Variants in PROM1 observed in about 807,000 individuals in gnomAD.
The protein encoded by PROM1 is prominin-1.
Under a neutral mutation model 116.9 loss-of-function variants are expected in PROM1, and 105 were observed. The observed-to-expected ratio is 0.90, with a 90% CI of 0.77 to 1.06. PROM1 has a LOEUF of 1.06. Among genes scored for constraint, PROM1 ranks in the 50% least tolerant of loss-of-function variants. The pLI, the probability that PROM1 is intolerant of heterozygous loss-of-function variation, is 0.00. For missense variants in PROM1, 1,122 were observed against 1,045.2 expected, an observed-to-expected ratio of 1.07 and a Z score of -1.01; for synonymous variants, 393 against 387.0, an observed-to-expected ratio of 1.02 and a Z score of -0.18.
intron 2 of PROM1, among the ~76,000 whole-genome samples, chr4:16,046,945 T>C (rs913356391): frequency 6.6e-6 from 1 of 152,194 alleles, no homozygotes; most frequent in Non-Finnish European, 1.5e-5. Context: ...ACACTGGGAA[T>C]AACTGCCTGT....
At chr4:16,039,054 A>C in intron 2 of PROM1, 53 bp from the exon 3 acceptor site, 1 of 1,382,656 alleles carries the variant, frequency 7.2e-7, no homozygotes. Context: ...AAATTATAAA[A>C]TGCATATTTA....
At position 16,076,046 on chromosome 4, in the gene PROM1, G is replaced by T. The variant is rs1163954076; in HGVS notation, c.-140C>A. On this transcript the variant is annotated 5_prime_UTR_variant, in exon 2 of 28. Transcript: ENST00000447510. ...GGATCTGCTGAATCTTCAGTTTTCT[G>T]TCTGAGGCTGGCTTGAGGCGAGGGA... 7 of 1,432,370 alleles carry T rather than the reference G, an allele frequency of 4.9e-6. No individual in the cohort carries two copies. The East Asian group carries it at 1.5e-4, about 31-fold the overall frequency. 88.7% of individuals were successfully genotyped at this position (1,432,370 alleles called of 1,614,324 possible).
intron 23 of PROM1, among the ~76,000 whole-genome samples, chr4:15,982,985 TC>T (rs1414184938): frequency 4.6e-5 from 7 of 152,132 alleles, no homozygotes; most frequent in African/African-American, 1.7e-4. Context: ...TGACAATGCA[TC>T]AGTGATACTC....
chr4:16,020,540 T>C (rs552311475), intron 8 of PROM1, among the ~76,000 whole-genome samples: 11 of 152,084 alleles, frequency 7.2e-5, no homozygotes, highest in African/African-American at 2.4e-4. Flanking sequence ...TACTCAGAAA[T>C]ACACAGAAGA....
intron 2 of PROM1, among the ~76,000 whole-genome samples, chr4:16,069,696 A>G (rs1183814157): frequency 6.6e-6 from 1 of 152,194 alleles, no homozygotes; most frequent in Non-Finnish European, 1.5e-5. Flanking sequence ...TACCACCATC[A>G]TCTACCTTCC....
intron 2 of PROM1, among the ~76,000 whole-genome samples, chr4:16,066,730 A>G (rs1282512711): frequency 6.6e-6 from 1 of 152,186 alleles, no homozygotes; most frequent in African/African-American, 2.4e-5. Context: ...ATTTAATACC[A>G]TGGTGGCTTC....
chr4:16,049,082 C>A lies in PROM1; in HGVS notation c.221-10081G>T, dbSNP rs528988659. 5.3e-5 allele frequency among the ~76,000 whole-genome samples: 8 copies of A among 152,298 alleles called. No individual in the cohort carries two copies. The East Asian group carries it at 1.5e-3, about 29-fold the overall frequency. On this transcript the variant is annotated intron_variant, in intron 2 of 27. Coordinates refer to ENST00000447510, the MANE Select transcript of PROM1 (RefSeq NM_006017.3). ...CATGGGCCGGGTTCCTGTGCTGCCG[C>A]CCCTGGAGAATCCAGAGAGTGGGGG...
At chr4:16,027,143 T>C (rs1731499552) in intron 5 of PROM1, among the ~76,000 whole-genome samples, 1 of 152,200 alleles carries the variant, frequency 6.6e-6, no homozygotes, top group African/African-American at 2.4e-5. Flanking sequence ...CAATATTCTG[T>C]CCCATTTGGA....
At chr4:15,993,251 T>C (rs1033335135) in intron 16 of PROM1, among the ~76,000 whole-genome samples, 1 of 152,206 alleles carries the variant, frequency 6.6e-6, no homozygotes, top group African/African-American at 2.4e-5. Flanking sequence ...GATCCCTTTG[T>C]TTCTGCTCTC....
In PROM1 at chr4:15,968,503, CTCA is replaced by C. The variant is rs761386160; in HGVS notation, c.*887_*889del. ...GATCTAAGAATTGTGACAGGATCTT[CTCA>C]TATTTCATTTTAGAACACTTGATAC... On this transcript the variant is annotated 3_prime_UTR_variant, in exon 28 of 28. Transcript: ENST00000447510. 9 of 152,200 alleles carry C rather than the reference CTCA, an allele frequency of 5.9e-5. No homozygotes were observed. The highest frequency in any genetic ancestry group is 2.1e-4 in the South Asian group (1 of 4,824). 9.4% of individuals were successfully genotyped at this position (152,200 alleles called of 1,614,324 possible). A position where few individuals can be genotyped will look rare whatever the true frequency, so the allele number is the denominator to read the frequency against.
At position 16,018,388 on chromosome 4, in the gene PROM1, T is replaced by C. The variant is rs996504262; in HGVS notation, c.937A>G (p.Ser313Gly). The change falls in exon 9 of 28, where the codon AGT (serine) becomes GGT (glycine). Residue 313 changes from serine (S) to glycine (G), a missense_variant. Physicochemically the swap from Ser to Gly is moderately conservative, Grantham distance 56. Transcript: ENST00000447510. ...AATCTGATGCTGTTGCAGGTTTCAC[T>C]TGATGGATGCACCAAGCACAGAGGG... is the stretch of plus-strand genomic sequence containing the variant. ...NDPLCLVHPS[S>G]ETCNSIRLSL... 15 of 1,613,716 alleles carry C rather than the reference T, an allele frequency of 9.3e-6. No individual in the cohort carries two copies. Among genetic ancestry groups the C allele is most frequent in the African/African-American group, 5.3e-5 (4 of 74,922 alleles).
At chr4:16,083,735 A>G (rs7692760) in intron 1 of PROM1, 106,165 of 152,398 alleles carry the variant, frequency 0.7, 38,206 homozygotes, top group Non-Finnish European at 0.8. Context: ...AGCTCGCCAG[A>G]CCCTGGCTCG....
intron 1 of PROM1, among the ~76,000 whole-genome samples, chr4:16,081,649 G>C (rs1439413799): frequency 1.3e-5 from 2 of 152,170 alleles, no homozygotes; most frequent in African/African-American, 4.8e-5. Flanking sequence ...AGCTTCCACT[G>C]TTTTAACAAA....
rs1727378033 is a variant in PROM1, at chr4:16,013,259, A to T, written c.1141+16T>A. On this transcript the variant is annotated intron_variant, in intron 11 of 27. Coordinates refer to ENST00000447510, the MANE Select transcript of PROM1 (RefSeq NM_006017.3). ...GACCTACCAATCACAAAATCACCTCAAACTGTGAATCTCACCTGCTACGAC... is the reference window on the plus strand; with the variant it reads ...GACCTACCAATCACAAAATCACCTCTAACTGTGAATCTCACCTGCTACGAC... 6.3e-7 allele frequency: 1 copy of T among 1,589,964 alleles called. No individual in the cohort carries two copies. The highest frequency in any genetic ancestry group is 2.2e-5 in the East Asian group (1 of 44,744).
chr4:15,978,302 A>T (rs1286552202), intron 26 of PROM1, among the ~76,000 whole-genome samples: 5 of 152,158 alleles, frequency 3.3e-5, no homozygotes, highest in Admixed American at 3.3e-4. Context: ...AAAAGTTCTG[A>T]TTTTTTTACA....
At chr4:16,083,851 T>A (rs928920800) in intron 1 of PROM1, 127 bp downstream of exon 1, 11 of 152,016 alleles carry the variant, frequency 7.2e-5, no homozygotes, top group African/African-American at 2.7e-4. Context: ...GGCCGGACCC[T>A]CGGACGTGGC....
At chr4:16,033,902 C>CAT (rs35739890) in intron 4 of PROM1, among the ~76,000 whole-genome samples, 5,268 of 147,010 alleles carry the variant, frequency 0.036, 118 homozygotes, top group African/African-American at 0.064. Context: ...TGAATGTGTA[C>CAT]ATATATATAT....
At chr4:15,995,248 T>A (rs1722014888) in intron 15 of PROM1, among the ~76,000 whole-genome samples, 1 of 151,444 alleles carries the variant, frequency 6.6e-6, no homozygotes, top group Non-Finnish European at 1.5e-5. Context: ...TCACATCACA[T>A]CATGCTTGGA....
chr4:15,981,789 G>T (rs538503284), intron 23 of PROM1, among the ~76,000 whole-genome samples: 1 of 152,288 alleles, frequency 6.6e-6, no homozygotes, highest in African/African-American at 2.4e-5. Flanking sequence ...TGTCTAAAGA[G>T]CAATGTTAAA....
Sources: allele counts gnomAD v4.1 joint callset (sites outside exome capture counted in the v4.1 genomes callset), GRCh38; gene constraint gnomAD v4.1.1; transcripts MANE v1.5; gene names NCBI Gene and HGNC (gene_info 2026-07-23, HGNC 2026-07-21).